ADGRE5: variants seen among roughly 807,000 people sequenced by gnomAD.
The protein encoded by ADGRE5 is adhesion G protein-coupled receptor E5, also known as CD97 molecule.
In ADGRE5, 72 loss-of-function variants were observed where a neutral mutation model predicts 100.3. The ratio of observed to expected loss-of-function variants is 0.72; its 90% CI spans 0.59 to 0.87. The LOEUF (loss-of-function observed/expected upper bound fraction) is 0.87, where lower values mean the gene tolerates loss of function less well. ADGRE5 is among the 40% of genes least tolerant of loss of function. ADGRE5 has a pLI of 0.00. For synonymous variants in ADGRE5, 439 were observed against 447.8 expected (o/e 0.98, Z 0.25); for missense variants, 959 against 1,094.7 (o/e 0.88, Z 1.75).
At chr19:14,404,134 C>T (rs961045653) in intron 12 of ADGRE5, among the ~76,000 whole-genome samples, 1 of 152,126 alleles carries the variant, frequency 6.6e-6, no homozygotes, top group African/African-American at 2.4e-5. Flanking sequence ...CTGCCTCAGC[C>T]TCCCAAAGTG....
chr19:14,405,716 A>G lies in ADGRE5; in HGVS notation c.1630-32A>G. ...GAGGGCAGGAAGGCCTCATGCCCTGAAGGAACCCTGAGCACCCGGTGCCAC... is the reference window on the plus strand; with the variant it reads ...GAGGGCAGGAAGGCCTCATGCCCTGGAGGAACCCTGAGCACCCGGTGCCAC... On this transcript the variant is annotated intron_variant, in intron 13 of 19. Coordinates refer to ENST00000242786, the MANE Select transcript of ADGRE5 (RefSeq NM_078481.4). 3.2e-6 allele frequency: 5 copies of G among 1,573,454 alleles called. No individual in the cohort carries two copies. The South Asian group carries it at 5.7e-5, about 18-fold the overall frequency.
rs1424502924 is a variant in ADGRE5, at chr19:14,405,863, T to C, written c.1745T>C (p.Ile582Thr). 5 of 1,612,938 alleles carry C rather than the reference T, an allele frequency of 3.1e-6. No individual in the cohort carries two copies. The highest frequency in any genetic ancestry group is 4.2e-6 in the Non-Finnish European group (5 of 1,179,994). ...CCCATCCAGGGCTCGCGCACCACCA[T>C]ACACCTGCACCTCTGCATCTGCCTC... ...VRPIQGSRTT[I>T]HLHLCICLFV... is the part of the protein sequence containing the mutation. The change falls in exon 14 of 20, where the codon ATA becomes ACA. Residue 582 changes from isoleucine (I) to threonine (T), a missense_variant. This residue lies in a region of ADGRE5 where 428 missense variants were observed against 386.2 expected (regional missense o/e 1.11). Coordinates refer to ENST00000242786, the MANE Select transcript of ADGRE5 (RefSeq NM_078481.4).
intron 3 of ADGRE5, among the ~76,000 whole-genome samples, chr19:14,390,357 TC>T (rs1329128937): frequency 6.8e-6 from 1 of 147,064 alleles, no homozygotes; most frequent in Non-Finnish European, 1.5e-5. Context: ...AGAGTCTCAC[TC>T]TGTCACCCAG....
chr19:14,389,634 G>A (rs1026994075), intron 3 of ADGRE5, among the ~76,000 whole-genome samples: 1 of 151,836 alleles, frequency 6.6e-6, no homozygotes, highest in African/African-American at 2.4e-5. Flanking sequence ...TACTCGGGAG[G>A]CTGAGGCAGG....
intron 1 of ADGRE5, among the ~76,000 whole-genome samples, chr19:14,382,924 C>T (rs1432348839): frequency 3.9e-5 from 6 of 152,084 alleles, no homozygotes; most frequent in Non-Finnish European, 8.8e-5. Context: ...TTAGTAGAGA[C>T]GGGGTTTCAC....
chr19:14,386,884 G>A (rs1410023670), intron 1 of ADGRE5, among the ~76,000 whole-genome samples: 4 of 151,426 alleles, frequency 2.6e-5, no homozygotes, highest in South Asian at 2.1e-4. Flanking sequence ...GCTTGGTGGC[G>A]GGTGCCTGTA....
At chr19:14,407,828 G>A in intron 18 of ADGRE5, 80 bp from the exon 19 acceptor site, 2 of 1,186,508 alleles carry the variant, frequency 1.7e-6, no homozygotes, top group Non-Finnish European at 2.5e-6. Context: ...CAAGAAGGTG[G>A]GGCTGAGGGC....
Position 14,401,090 on chromosome 19 carries a change from C to A in ADGRE5, c.898-296C>A, listed in dbSNP as rs1454905636. 6.6e-6 allele frequency among the ~76,000 whole-genome samples: 1 copy of A among 152,086 alleles called. No individual in the cohort carries two copies. Among genetic ancestry groups the A allele is most frequent in the Non-Finnish European group, 1.5e-5 (1 of 68,022 alleles). On this transcript the variant is annotated intron_variant, in intron 9 of 19. Coordinates refer to ENST00000242786, the MANE Select transcript of ADGRE5 (RefSeq NM_078481.4). This position sits in a 1 kb window ranked among gnomAD's most constrained non-coding sequence, Gnocchi z 4.1. ...AGTGAGCTGATTATGCCACTGCACT[C>A]AAGCCTGGGCAACAGACTGAGACCC...
intron 6 of ADGRE5, 113 bp downstream of exon 6, chr19:14,397,336 G>A (rs1975819089): frequency 1.2e-5 from 18 of 1,541,970 alleles, no homozygotes; most frequent in Non-Finnish European, 1.5e-5. Context: ...GCTGTGCCAG[G>A]CGTTCGTTCA....
At chr19:14,402,998 C>T (rs1342411368) in intron 12 of ADGRE5, 136 bp downstream of exon 12, 1 of 537,100 alleles carries the variant, frequency 1.9e-6, no homozygotes, top group Admixed American at 3.4e-5. Flanking sequence ...CCTTCCCCAA[C>T]CTCATTACTT....
At position 14,391,969 on chromosome 19, in the gene ADGRE5, C is replaced by T. The variant is rs1337250398; in HGVS notation, c.346+890C>T. Among the ~76,000 whole-genome samples the T allele has an allele frequency of 8.6e-5, 13 of 151,144 alleles. No homozygotes were observed. In the South Asian group the frequency reaches 1.0e-3, roughly 12 times the overall value. On this transcript the variant is annotated intron_variant, in intron 4 of 19. Coordinates refer to ENST00000242786, the MANE Select transcript of ADGRE5 (RefSeq NM_078481.4). ...AAAATTAGCCAGACATGGTGGCACGCGCCTGTAATCCCAGCTACCAGCTAC... is the reference window on the plus strand; with the variant it reads ...AAAATTAGCCAGACATGGTGGCACGTGCCTGTAATCCCAGCTACCAGCTAC...
rs202099283 is a variant in ADGRE5, at chr19:14,405,892, G to C, written c.1774G>C (p.Val592Leu). ...CCTGCACCTCTGCATCTGCCTCTTC[G>C]TGGGCTCCACCATCTTCCTGGCCGG... ...IHLHLCICLF[V>L]GSTIFLAGIE... Residue 592 changes from valine to leucine, a missense_variant, in exon 14 of 20, where the codon GTG becomes CTG. Physicochemically the swap from Val to Leu is conservative, Grantham distance 32. Around this residue, in one of 6 missense-constraint regions of ADGRE5, gnomAD observed 428 missense variants for 386.2 expected, o/e 1.11. Transcript: ENST00000242786. 361 of 1,611,598 alleles carry C rather than the reference G, an allele frequency of 2.2e-4. 2 individuals carry two copies. The Admixed American group carries it at 2.9e-3, about 13-fold the overall frequency.
At chr19:14,390,146 G>A (rs1975548125) in intron 3 of ADGRE5, among the ~76,000 whole-genome samples, 1 of 141,742 alleles carries the variant, frequency 7.1e-6, no homozygotes, top group African/African-American at 2.7e-5. Context: ...AGGGAGGGAA[G>A]GAGGGAGGAA....
chr19:14,390,535 G>T (rs950756247), intron 3 of ADGRE5, among the ~76,000 whole-genome samples: 1 of 152,048 alleles, frequency 6.6e-6, no homozygotes, highest in Non-Finnish European at 1.5e-5. Flanking sequence ...TCTTGGCCAG[G>T]CTGGTCTCGA....
At chr19:14,407,800 A>G in intron 18 of ADGRE5, 108 bp from the exon 19 acceptor site, 2 of 934,094 alleles carry the variant, frequency 2.1e-6, no homozygotes, top group Non-Finnish European at 3.3e-6. Context: ...CTCAAAAAAA[A>G]GACAAACACA....
At position 14,388,816 on chromosome 19, in the gene ADGRE5, A is replaced by G; in HGVS notation, c.188A>G (p.Asp63Gly). 6.2e-7 allele frequency: 1 copy of G among 1,613,114 alleles called. No homozygotes were observed. Among genetic ancestry groups the G allele is most frequent in the Non-Finnish European group, 8.5e-7 (1 of 1,179,442 alleles). ...ATCACCACCCCGACGGAGACTTGTG[A>G]CGGTACAGAGGCTTGAGGGCAGCGC... is the stretch of plus-strand genomic sequence containing the variant. Reference protein sequence around the residue: ...EIITTPTETCDDINECATPSK... With the variant: ...EIITTPTETCGDINECATPSK... Residue 63 changes from aspartate to glycine, a missense_variant and splice_region_variant, in exon 3 of 20, where the codon GAC (aspartate) becomes GGC (glycine). Around this residue, in one of 6 missense-constraint regions of ADGRE5, gnomAD observed 114 missense variants for 195.7 expected, o/e 0.58. Coordinates refer to ENST00000242786, the MANE Select transcript of ADGRE5 (RefSeq NM_078481.4).
chr19:14,406,630 A>C lies in ADGRE5; in HGVS notation c.2049-70A>C, dbSNP rs924782672. The C allele has an allele frequency of 1.9e-6, 3 of 1,600,542 alleles. No individual in the cohort carries two copies. The Admixed American group carries it at 5.0e-5, about 27-fold the overall frequency. On this transcript the variant is annotated intron_variant, in intron 15 of 19. Transcript: ENST00000242786. This position sits in a 1 kb window ranked among gnomAD's most constrained non-coding sequence, Gnocchi z 6.0. ...GGGCTCACAGGCAGTGCCACACACAATGTCCGGCCGCCCTCCGTTCCGCTC... is the reference window on the plus strand; with the variant it reads ...GGGCTCACAGGCAGTGCCACACACACTGTCCGGCCGCCCTCCGTTCCGCTC...
chr19:14,385,645 C>T (rs1259151068), intron 1 of ADGRE5, among the ~76,000 whole-genome samples: 1 of 152,128 alleles, frequency 6.6e-6, no homozygotes, highest in Non-Finnish European at 1.5e-5. Context: ...GAAATATCAC[C>T]ACTGGGTTCC....
chr19:14,387,493 C>T (rs1200067041), intron 1 of ADGRE5, among the ~76,000 whole-genome samples: 1 of 152,090 alleles, frequency 6.6e-6, no homozygotes, highest in East Asian at 1.9e-4. Context: ...CTTTGGGAGG[C>T]CGAGGTGGGT....
Sources: gnomAD v4.1 joint callset for allele counts (sites outside exome capture counted in the v4.1 genomes callset) on GRCh38, gnomAD v4.1.1 for gene constraint, gnomAD v4.1.1 regional missense constraint, Gnocchi (gnomAD v3.1) non-coding constraint, MANE v1.5 for transcripts, NCBI Gene and HGNC (gene_info 2026-07-23, HGNC 2026-07-21) for gene names.